NAPG: variants seen among roughly 807,000 people sequenced by gnomAD.
NAPG encodes the protein NSF attachment protein gamma.
A neutral mutation model predicts 48.4 loss-of-function variants in NAPG; 25 were observed. The observed-to-expected ratio is 0.52, with a 90% CI of 0.38 to 0.72. The LOEUF is 0.72. Ranked by LOEUF, NAPG falls within the 30% of genes least tolerant of loss-of-function variation. The pLI, the probability that NAPG is intolerant of heterozygous loss-of-function variation, is 0.00. For synonymous variants in NAPG, 139 were observed against 127.2 expected (o/e 1.09, Z -0.62); for missense variants, 359 against 372.5 (o/e 0.96, Z 0.30).
In NAPG at chr18:10,528,830, C is replaced by T. The variant is rs532051910; in HGVS notation, c.57-1940C>T. On this transcript the variant is annotated intron_variant, in intron 1 of 11. Coordinates refer to ENST00000322897, the MANE Select transcript of NAPG (RefSeq NM_003826.3). ...AGTGTTAGTTTGAAATGCTGCTAGACAGAGTTACTCAGTGGGTGGTAGGAA... is the reference window on the plus strand; with the variant it reads ...AGTGTTAGTTTGAAATGCTGCTAGATAGAGTTACTCAGTGGGTGGTAGGAA... Among the ~76,000 whole-genome samples, 6 of 152,232 alleles carry T rather than the reference C, an allele frequency of 3.9e-5. No individual in the cohort carries two copies. In the East Asian group the frequency reaches 9.6e-4, roughly 24 times the overall value.
intron 3 of NAPG, chr18:10,533,089 A>G (rs2031962748): frequency 3.1e-6 from 1 of 317,860 alleles, no homozygotes; most frequent in Admixed American, 4.6e-5. Flanking sequence ...GTGCTGAAGA[A>G]TGAAGAAGTA....
Position 10,552,235 on chromosome 18 carries a change from C to T in NAPG, c.*2015C>T, listed in dbSNP as rs367945517. The T allele has an allele frequency of 3.3e-5, 5 of 152,310 alleles. No homozygotes were observed. The highest frequency in any genetic ancestry group is 2.6e-4 in the Admixed American group (4 of 15,304). 9.4% of individuals were successfully genotyped at this position (152,310 alleles called of 1,614,324 possible). ...GATGAAGTGCATTCTGTAGCAGCAG[C>T]GCAGCTATGCTTTAAACCACACAAA... On this transcript the variant is annotated 3_prime_UTR_variant, in exon 12 of 12. Coordinates refer to ENST00000322897, the MANE Select transcript of NAPG (RefSeq NM_003826.3).
chr18:10,551,964 T>G lies in NAPG; in HGVS notation c.*1744T>G. ...TGTAGACATTTGCATTTAAGGACAT[T>G]GCAGTGTTTCAAAGATCCCATCATT... On this transcript the variant is annotated 3_prime_UTR_variant, in exon 12 of 12. Coordinates refer to ENST00000322897, the MANE Select transcript of NAPG (RefSeq NM_003826.3). 1 of 152,318 alleles carries G rather than the reference T, an allele frequency of 6.6e-6. No individual in the cohort carries two copies. The highest frequency in any genetic ancestry group is 2.1e-4 in the South Asian group (1 of 4,824). The allele number at this position is 152,318 out of a possible 1,614,324, so 9.4% of individuals were successfully genotyped here. A position where few individuals can be genotyped will look rare whatever the true frequency, so the allele number is the denominator to read the frequency against.
chr18:10,533,665 A>C (rs1344315610), intron 4 of NAPG, 112 bp downstream of exon 4: 1 of 878,522 alleles, frequency 1.1e-6, no homozygotes, highest in East Asian at 2.9e-5. Flanking sequence ...GATTTAAATA[A>C]TAATCATTTC....
intron 2 of NAPG, 135 bp downstream of exon 2, chr18:10,530,972 A>G: frequency 1.5e-6 from 1 of 686,682 alleles, no homozygotes; most frequent in Non-Finnish European, 2.1e-6. Context: ...CAACTGTGCA[A>G]GCCCTTGAGT....
At chr18:10,533,432 C>A in intron 3 of NAPG, 104 bp from the exon 4 acceptor site, 1 of 975,544 alleles carries the variant, frequency 1.0e-6, no homozygotes, top group Non-Finnish European at 1.5e-6. Context: ...CTTTTGGAAC[C>A]AACTGGGTCA....
chr18:10,530,940 A>C, intron 2 of NAPG, 103 bp downstream of exon 2: 1 of 901,200 alleles, frequency 1.1e-6, no homozygotes, highest in East Asian at 3.1e-5. Flanking sequence ...ATAAGGCTTT[A>C]ATAGTTAAAA....
At chr18:10,529,201 T>TA (rs1342468824) in intron 1 of NAPG, among the ~76,000 whole-genome samples, 1 of 152,288 alleles carries the variant, frequency 6.6e-6, no homozygotes, top group South Asian at 2.1e-4. Flanking sequence ...TTAGTGGGAT[T>TA]AAAAAAATTA....
Position 10,539,680 on chromosome 18 carries a change from A to T in NAPG, c.259-82A>T, listed in dbSNP as rs1322641869. The T allele has an allele frequency of 8.8e-7, 1 of 1,139,220 alleles. No individual in the cohort carries two copies. The highest frequency in any genetic ancestry group is 1.3e-6 in the Non-Finnish European group (1 of 767,974). 70.6% of individuals were successfully genotyped at this position (1,139,220 alleles called of 1,614,324 possible). A position where few individuals can be genotyped will look rare whatever the true frequency, so the allele number is the denominator to read the frequency against. The stretch of plus-strand genomic sequence containing the variant: ...TGTGTCCCAGAACTTAAAATAAAAA[A>T]TAATTGCATTTCAGATTGTTAACTC... On this transcript the variant is annotated intron_variant, in intron 5 of 11. Transcript: ENST00000322897. The surrounding 1 kb of genome is among the most constrained non-coding windows in gnomAD (Gnocchi z 4.7).
At chr18:10,540,959 CAA>C (rs2308032) in intron 8 of NAPG, among the ~76,000 whole-genome samples, 51,388 of 151,816 alleles carry the variant, frequency 0.34, 8,725 homozygotes, top group East Asian at 0.39. Context: ...AATTCTGTCT[CAA>C]TAATATTTAA....
At position 10,531,984 on chromosome 18, in the gene NAPG, A is replaced by G. The variant is rs1035546818; in HGVS notation, c.125-727A>G. 4.6e-5 allele frequency among the ~76,000 whole-genome samples: 7 copies of G among 152,300 alleles called. 1 individual carries two copies. The highest frequency in any genetic ancestry group is 6.8e-3 in the Middle Eastern group (2 of 294). On this transcript the variant is annotated intron_variant, in intron 2 of 11. Transcript: ENST00000322897. ...AGTATTTGGTTTTCACATTTTATTA[A>G]AGAGAATTTTAAGAGTGTTTTTAAC...
At position 10,540,402 on chromosome 18, in the gene NAPG, A is replaced by G. The variant is rs767190093; in HGVS notation, c.506+3A>G. ...AGACTACTAGTACGAGGACGTAGGT[A>G]TGTCTTTAAAAACTATTGCTGTGTG... On this transcript the variant is annotated splice_donor_region_variant and intron_variant, in intron 8 of 11. Coordinates refer to ENST00000322897, the MANE Select transcript of NAPG (RefSeq NM_003826.3). 6.2e-7 allele frequency: 1 copy of G among 1,611,176 alleles called. No homozygotes were observed. Among genetic ancestry groups the G allele is most frequent in the Non-Finnish European group, 8.5e-7 (1 of 1,177,914 alleles).
In NAPG at chr18:10,548,282, C is replaced by A; in HGVS notation, c.586-17C>A. ...AAACAGATGTAAATTTGACCATGAT[C>A]CTCTCTTTTGTTTTAGAAAACAATT... On this transcript the variant is annotated splice_polypyrimidine_tract_variant and intron_variant, in intron 9 of 11. Transcript: ENST00000322897. The surrounding 1 kb of genome is among the most constrained non-coding windows in gnomAD (Gnocchi z 4.4). 2 of 1,587,108 alleles carry A rather than the reference C, an allele frequency of 1.3e-6. No individual in the cohort carries two copies. Among genetic ancestry groups the A allele is most frequent in the South Asian group, 1.1e-5 (1 of 90,306 alleles).
intron 2 of NAPG, among the ~76,000 whole-genome samples, chr18:10,531,212 CT>C (rs1199636050): frequency 3.9e-5 from 6 of 152,114 alleles, no homozygotes; most frequent in African/African-American, 1.4e-4. Context: ...TTTTTGTTAA[CT>C]TAGCCTCATC....
In NAPG at chr18:10,546,280, A is replaced by C. The variant is rs562463591; in HGVS notation, c.507-46A>C. The C allele has an allele frequency of 7.9e-6, 10 of 1,267,212 alleles. No individual in the cohort carries two copies. The Admixed American group carries it at 1.5e-4, about 20-fold the overall frequency. The allele number at this position is 1,267,212 out of a possible 1,614,324, so 78.5% of individuals were successfully genotyped here. On this transcript the variant is annotated intron_variant, in intron 8 of 11. Transcript: ENST00000322897. This position sits in a 1 kb window ranked among gnomAD's most constrained non-coding sequence, Gnocchi z 4.0. Reference sequence around the variant, plus strand: ...ACATTTCACAGGGGACCTCTGCTATAGATCATTTAGACCTGCTTTTTTTAC... The same window carrying C: ...ACATTTCACAGGGGACCTCTGCTATCGATCATTTAGACCTGCTTTTTTTAC...
chr18:10,548,462 C>G lies in NAPG; in HGVS notation c.665+84C>G. 1.8e-6 allele frequency: 2 copies of G among 1,109,382 alleles called. No homozygotes were observed. Among genetic ancestry groups the G allele is most frequent in the Non-Finnish European group, 2.7e-6 (2 of 737,694 alleles). 68.7% of individuals were successfully genotyped at this position (1,109,382 alleles called of 1,614,324 possible). A position where few individuals can be genotyped will look rare whatever the true frequency, so the allele number is the denominator to read the frequency against. On this transcript the variant is annotated intron_variant, in intron 10 of 11. Coordinates refer to ENST00000322897, the MANE Select transcript of NAPG (RefSeq NM_003826.3). This position sits in a 1 kb window ranked among gnomAD's most constrained non-coding sequence, Gnocchi z 4.4. The stretch of plus-strand genomic sequence containing the variant: ...AAGATTGCTGCTAGGACACATGTTC[C>G]TGGCCATGAAACTGTCATTTCTAAA...
At chr18:10,538,950 A>G (rs1453030540) in intron 5 of NAPG, among the ~76,000 whole-genome samples, 4 of 152,336 alleles carry the variant, frequency 2.6e-5, no homozygotes, top group Non-Finnish European at 5.9e-5. Context: ...CAAAACCACA[A>G]TGAGATCTCA....
chr18:10,548,831 A>G lies in NAPG; in HGVS notation c.666-136A>G, dbSNP rs977329358. ...GGGATCCCCGGTCTCTGCCCTCTAG[A>G]TGCCACTAGCATTCCCACACTTTTA... On this transcript the variant is annotated intron_variant, in intron 10 of 11. Coordinates refer to ENST00000322897, the MANE Select transcript of NAPG (RefSeq NM_003826.3). The surrounding 1 kb of genome is among the most constrained non-coding windows in gnomAD (Gnocchi z 4.4). 1.7e-4 allele frequency: 187 copies of G among 1,093,292 alleles called. No individual in the cohort carries two copies. Among genetic ancestry groups the G allele is most frequent in the Non-Finnish European group, 2.1e-4 (167 of 778,258 alleles). 67.7% of individuals were successfully genotyped at this position (1,093,292 alleles called of 1,614,324 possible).
chr18:10,528,361 C>T (rs1409176186), intron 1 of NAPG, among the ~76,000 whole-genome samples: 1 of 152,132 alleles, frequency 6.6e-6, no homozygotes, highest in Non-Finnish European at 1.5e-5. Flanking sequence ...TTAGAATTCA[C>T]AGGTGGGCAG....
Sources: gnomAD v4.1 joint callset for allele counts (sites outside exome capture counted in the v4.1 genomes callset) on GRCh38, gnomAD v4.1.1 for gene constraint, Gnocchi (gnomAD v3.1) non-coding constraint, MANE v1.5 for transcripts, NCBI Gene and HGNC (gene_info 2026-07-23, HGNC 2026-07-21) for gene names.